MINAR1: variants seen among roughly 807,000 people sequenced by gnomAD.
MINAR1 encodes major intrinsically disordered Notch2-binding receptor 1.
A neutral mutation model predicts 65.1 loss-of-function variants in MINAR1; 40 were observed. The ratio of observed to expected loss-of-function variants is 0.61; its 90% CI spans 0.48 to 0.80. MINAR1 has a LOEUF of 0.80. MINAR1 is among the 30% of genes least tolerant of loss of function. The pLI is 0.00. For synonymous variants in MINAR1, 482 were observed against 449.1 expected (o/e 1.07, Z -0.93); for missense variants, 1,128 against 1,148.0 (o/e 0.98, Z 0.25).
At chr15:79,427,821 A>G (rs1321892890), upstream of MINAR1, among the ~76,000 whole-genome samples, 1 of 152,204 alleles carries the variant, frequency 6.6e-6, no homozygotes, top group Non-Finnish European at 1.5e-5. Context: ...GTTCAGGGTG[A>G]AGTCACTAAG....
At chr15:79,443,020 G>A (rs1031005899) in intron 1 of MINAR1, among the ~76,000 whole-genome samples, 1 of 152,090 alleles carries the variant, frequency 6.6e-6, no homozygotes, top group Non-Finnish European at 1.5e-5. Context: ...TAAGGTTACC[G>A]AGATGACTGA....
At chr15:79,419,728 CAA>C in the MINAR1 span, 1 of 152,018 alleles carries the variant, frequency 6.6e-6, no homozygotes, top group African/African-American at 2.4e-5. Flanking sequence ...TGACTAGAAT[CAA>C]AGAGTAAATT....
chr15:79,425,797 C>T, the MINAR1 span: 1 of 152,370 alleles, frequency 6.6e-6, no homozygotes, highest in Non-Finnish European at 1.5e-5. Context: ...GCCTGGAACC[C>T]AAGCCTCCTG....
the MINAR1 span, chr15:79,421,799 G>A: frequency 2.6e-5 from 4 of 152,266 alleles, no homozygotes; most frequent in African/African-American, 2.4e-5. Context: ...CCCAGGCAAA[G>A]CGAGCACTTC....
intron 3 of MINAR1, among the ~76,000 whole-genome samples, chr15:79,465,307 A>G (rs1895799647): frequency 6.6e-6 from 1 of 152,078 alleles, no homozygotes; most frequent in Non-Finnish European, 1.5e-5. Context: ...GTCTTAGGGC[A>G]GTGTTGGTGT....
At chr15:79,444,917 A>G (rs1381226989) in intron 1 of MINAR1, among the ~76,000 whole-genome samples, 1 of 152,056 alleles carries the variant, frequency 6.6e-6, no homozygotes, top group African/African-American at 2.4e-5. Flanking sequence ...GTGTTGTTTT[A>G]GTATTTTGAT....
chr15:79,467,142 G>C (rs1895894007), intron 3 of MINAR1, among the ~76,000 whole-genome samples: 1 of 152,164 alleles, frequency 6.6e-6, no homozygotes. Flanking sequence ...AATCATCACT[G>C]TTCCATCAAT....
chr15:79,416,894 G>C, the MINAR1 span: 1 of 152,290 alleles, frequency 6.6e-6, no homozygotes, highest in Non-Finnish European at 1.5e-5. Flanking sequence ...CCTCCTCTCA[G>C]CATCCTCACT....
chr15:79,419,941 G>T, the MINAR1 span: 1 of 152,108 alleles, frequency 6.6e-6, no homozygotes. Flanking sequence ...AAGCTTAATT[G>T]TCTACAACCA....
rs892794392 is a variant in MINAR1 at position 79,472,224 on chromosome 15, T to A, written c.*3840T>A. 6.6e-6 allele frequency: 1 copy of A among 152,638 alleles called. No individual in the cohort carries two copies. The highest frequency in any genetic ancestry group is 1.5e-5 in the Non-Finnish European group (1 of 68,038). The allele number at this position is 152,638 out of a possible 1,614,324, so 9.5% of individuals were successfully genotyped here. ...AATGGCTTGTGTAAAATTTGGTTAA[T>A]GTACAATGGTTGGTTTGAAGCTATC... On this transcript the variant is annotated 3_prime_UTR_variant, in exon 4 of 4. Transcript: ENST00000305428.
At chr15:79,459,897 G>A (rs921242154) in intron 2 of MINAR1, among the ~76,000 whole-genome samples, 1 of 152,174 alleles carries the variant, frequency 6.6e-6, no homozygotes, top group Admixed American at 6.5e-5. Context: ...GGGTTCTATT[G>A]TCACTATCTC....
At chr15:79,448,846 C>G (rs1046817421) in intron 1 of MINAR1, among the ~76,000 whole-genome samples, 1 of 152,186 alleles carries the variant, frequency 6.6e-6, no homozygotes, top group African/African-American at 2.4e-5. Flanking sequence ...AAGATTCAAG[C>G]AGCAATACTA....
upstream of MINAR1, among the ~76,000 whole-genome samples, chr15:79,427,901 A>T (rs1185667210): frequency 6.6e-6 from 1 of 152,200 alleles, no homozygotes; most frequent in African/African-American, 2.4e-5. Flanking sequence ...TGGGCAGCTC[A>T]GAGGAGAATC....
intron 1 of MINAR1, among the ~76,000 whole-genome samples, chr15:79,434,556 T>C (rs941086952): frequency 6.6e-6 from 1 of 152,140 alleles, no homozygotes; most frequent in African/African-American, 2.4e-5. Flanking sequence ...TGGGCAGGGA[T>C]TTAAAGGCCA....
At chr15:79,437,870 GTGGA>G (rs1277288036) in intron 1 of MINAR1, among the ~76,000 whole-genome samples, 1 of 44,950 alleles carries the variant, frequency 2.2e-5, no homozygotes, top group Non-Finnish European at 4.7e-5. Flanking sequence ...TGTGTGGGGT[GTGGA>G]TGGGGTGGGT....
At position 79,456,125 on chromosome 15, in the gene MINAR1, G is replaced by GT. The variant is rs1200967009; in HGVS notation, c.-23_-22insT. 2 of 1,603,530 alleles carry GT rather than the reference G, an allele frequency of 1.2e-6. No homozygotes were observed. The highest frequency in any genetic ancestry group is 2.2e-5 in the South Asian group (2 of 89,438). On this transcript the variant is annotated 5_prime_UTR_variant, in exon 2 of 4. Coordinates refer to ENST00000305428, the MANE Select transcript of MINAR1 (RefSeq NM_015206.3). The stretch of plus-strand genomic sequence containing the variant: ...CTGACCTGAAGTTTCAGTGTAGTCA[G>GT]AGAGCTCTTCAAGTAATAAATCATG...
chr15:79,442,504 A>G lies in MINAR1; in HGVS notation c.-51+9964A>G, dbSNP rs1380064908. On this transcript the variant is annotated intron_variant, in intron 1 of 3. Coordinates refer to ENST00000305428, the MANE Select transcript of MINAR1 (RefSeq NM_015206.3). ...TATTTGGCTATCCAAATAGATTTTT[A>G]TTTTGACCAGAATTCTTAGATAATT... 2.0e-5 allele frequency among the ~76,000 whole-genome samples: 3 copies of G among 149,838 alleles called. No individual in the cohort carries two copies. The East Asian group carries it at 6.0e-4, about 30-fold the overall frequency.
intron 1 of MINAR1, among the ~76,000 whole-genome samples, chr15:79,446,354 C>T (rs1895017284): frequency 6.6e-6 from 1 of 151,924 alleles, no homozygotes; most frequent in African/African-American, 2.4e-5. Flanking sequence ...ACCTTATTTC[C>T]TCTGGATTCA....
chr15:79,458,147 A>T lies in MINAR1; in HGVS notation c.2000A>T (p.His667Leu), dbSNP rs1394260969. 3.7e-6 allele frequency: 6 copies of T among 1,614,040 alleles called. No individual in the cohort carries two copies. The highest frequency in any genetic ancestry group is 2.5e-6 in the Non-Finnish European group (3 of 1,180,000). ...GCCTCTCCCCGGATGTTCCACGCAC[A>T]CAGTGGCTCCCACGGACCCAAACTA... ...DSASPRMFHA[H>L]SGSHGPKLEN... Residue 667 changes from histidine (H) to leucine (L), a missense_variant, in exon 2 of 4, where the codon CAC becomes CTC. By Grantham distance (99) the His-to-Leu change is moderately conservative. Transcript: ENST00000305428.
Sources: gnomAD v4.1 joint callset for allele counts (sites outside exome capture counted in the v4.1 genomes callset) on GRCh38, gnomAD v4.1.1 for gene constraint, MANE v1.5 for transcripts, NCBI Gene and HGNC (gene_info 2026-07-23, HGNC 2026-07-21) for gene names.